OSBPL9: variants seen among roughly 807,000 people sequenced by gnomAD.
The protein encoded by OSBPL9 is oxysterol-binding protein-related protein 9.
In OSBPL9, 40 loss-of-function variants were observed where a neutral mutation model predicts 106.6. That is an observed-to-expected ratio of 0.38 (90% CI 0.29 to 0.49). OSBPL9 has a LOEUF of 0.49. Ranked by LOEUF, OSBPL9 falls within the 20% of genes least tolerant of loss-of-function variation. The pLI is 0.97. For synonymous variants in OSBPL9, 269 were observed against 295.4 expected (o/e 0.91, Z 0.92); for missense variants, 609 against 887.2 (o/e 0.69, Z 3.98).
chr1:51,709,751 C>T (rs1340792991), intron 3 of OSBPL9: 2 of 152,722 alleles, frequency 1.3e-5, no homozygotes, highest in East Asian at 3.9e-4. Context: ...CTACCTACTC[C>T]TCACAGTGCG....
intron 1 of OSBPL9, among the ~76,000 whole-genome samples, chr1:51,629,229 G>A (rs1207995239): frequency 6.6e-6 from 1 of 152,076 alleles, no homozygotes; most frequent in Non-Finnish European, 1.5e-5. Flanking sequence ...GGCATATATT[G>A]TTATTGCTTT....
intron 19 of OSBPL9, 48 bp from the exon 20 acceptor site, chr1:51,784,394 C>A (rs1557874902): frequency 6.2e-7 from 1 of 1,612,258 alleles, no homozygotes; most frequent in Admixed American, 1.7e-5. Context: ...CCCCTTCCCC[C>A]TCTTCCTCTT....
intron 22 of OSBPL9, 151 bp downstream of exon 22, chr1:51,786,768 T>C: frequency 1.6e-6 from 1 of 608,444 alleles, no homozygotes; most frequent in Non-Finnish European, 2.9e-6. Context: ...AACTACCACT[T>C]ACTACCTTTG....
At chr1:51,683,570 A>G (rs1334638310) in intron 3 of OSBPL9, among the ~76,000 whole-genome samples, 1 of 151,646 alleles carries the variant, frequency 6.6e-6, no homozygotes, top group East Asian at 2.0e-4. Context: ...AGGTGGGCAG[A>G]TCACCTGAGT....
intron 17 of OSBPL9, 34 bp from the exon 18 acceptor site, chr1:51,783,879 GTA>G: frequency 6.9e-7 from 1 of 1,443,828 alleles, no homozygotes. Context: ...GTGGCTGTAG[GTA>G]TATATAATCT....
chr1:51,597,375 C>G (rs1221698269), intron 1 of OSBPL9, among the ~76,000 whole-genome samples: 3 of 150,006 alleles, frequency 2.0e-5, no homozygotes, highest in Non-Finnish European at 4.4e-5. Context: ...ATATATTAAC[C>G]TGCATCAATC....
intron 16 of OSBPL9, among the ~76,000 whole-genome samples, chr1:51,782,215 A>G (rs1276951879): frequency 6.6e-6 from 1 of 152,206 alleles, no homozygotes; most frequent in Non-Finnish European, 1.5e-5. Flanking sequence ...CTGTCAGTAA[A>G]CATGATTCTC....
At chr1:51,602,018 C>CTTTTTTTTTTTT (rs758760414) in intron 2 of OSBPL9, among the ~76,000 whole-genome samples, 6,992 of 76,378 alleles carry the variant, frequency 0.092, 2,003 homozygotes, top group Middle Eastern at 0.12. Context: ...TCTTGGGGTT[C>CTTTTTTTTTTTT]TTTTTTTTTT....
intron 1 of OSBPL9, among the ~76,000 whole-genome samples, chr1:51,630,288 G>A (rs1357032323): frequency 6.6e-6 from 1 of 151,928 alleles, no homozygotes; most frequent in East Asian, 1.9e-4. Flanking sequence ...CCCGGCGCTG[G>A]GTCAGGGAGA....
intron 2 of OSBPL9, among the ~76,000 whole-genome samples, chr1:51,653,563 T>G (rs1294812484): frequency 6.6e-6 from 1 of 152,238 alleles, no homozygotes; most frequent in Non-Finnish European, 1.5e-5. Flanking sequence ...ATTAAATAAA[T>G]TACATCCCTT....
intron 1 of OSBPL9, among the ~76,000 whole-genome samples, chr1:51,634,833 C>T (rs1234307465): frequency 1.3e-5 from 2 of 152,058 alleles, no homozygotes; most frequent in South Asian, 2.1e-4. Context: ...TGGTAGAAGG[C>T]GAAAAGCATG....
intron 1 of OSBPL9, among the ~76,000 whole-genome samples, chr1:51,581,275 A>C (rs952408836): frequency 6.6e-6 from 1 of 151,810 alleles, no homozygotes; most frequent in East Asian, 1.9e-4. Context: ...GGTTAGATAG[A>C]GGTTATAGGT....
chr1:51,737,797 C>T (rs1666031919), intron 4 of OSBPL9, among the ~76,000 whole-genome samples: 1 of 151,916 alleles, frequency 6.6e-6, no homozygotes, highest in South Asian at 2.1e-4. Context: ...TTTAAAAAGG[C>T]AATTTGCTGG....
chr1:51,581,936 A>C (rs1570529130), intron 1 of OSBPL9, among the ~76,000 whole-genome samples: 1 of 152,240 alleles, frequency 6.6e-6, no homozygotes, highest in East Asian at 1.9e-4. Flanking sequence ...TACGACGCTC[A>C]AGGCTCATCT....
chr1:51,657,373 A>C (rs978641110), intron 2 of OSBPL9, among the ~76,000 whole-genome samples: 1 of 152,232 alleles, frequency 6.6e-6, no homozygotes. Flanking sequence ...TTTCATACAC[A>C]TTCCTATCAT....
chr1:51,786,344 C>A, intron 21 of OSBPL9, 182 bp from the exon 22 acceptor site: 1 of 539,350 alleles, frequency 1.9e-6, no homozygotes, highest in Non-Finnish European at 3.3e-6. Flanking sequence ...AGAACTTGCA[C>A]TCTGTACTAC....
At chr1:51,703,035 G>T (rs181693741) in intron 3 of OSBPL9, among the ~76,000 whole-genome samples, 20 of 152,266 alleles carry the variant, frequency 1.3e-4, no homozygotes, top group Admixed American at 2.6e-4. Flanking sequence ...TGCTGTTTTG[G>T]TTACTGTAGC....
intron 3 of OSBPL9, among the ~76,000 whole-genome samples, chr1:51,670,300 G>C (rs1265315280): frequency 6.6e-6 from 1 of 152,110 alleles, no homozygotes; most frequent in East Asian, 1.9e-4. Context: ...TTTATGTTTC[G>C]AGCAGTTCAA....
chr1:51,547,554 G>T, the OSBPL9 span, among the ~76,000 whole-genome samples: 1 of 152,074 alleles, frequency 6.6e-6, no homozygotes, highest in Non-Finnish European at 1.5e-5. Context: ...AGAAAAAAAT[G>T]GACAAATAGG....
Sources: gnomAD v4.1 joint callset for allele counts (sites outside exome capture counted in the v4.1 genomes callset) on GRCh38, gnomAD v4.1.1 for gene constraint, MANE v1.5 for transcripts, NCBI Gene and HGNC (gene_info 2026-07-23, HGNC 2026-07-21) for gene names.